Variants in ZFAND6 observed in about 807,000 individuals in gnomAD.
ZFAND6 encodes the protein zinc finger AN1-type containing 6.
Under a neutral mutation model 24.5 loss-of-function variants are expected in ZFAND6, and 12 were observed. The observed-to-expected ratio is 0.49, with a 90% CI of 0.31 to 0.79. The LOEUF (loss-of-function observed/expected upper bound fraction) is 0.79, where lower values mean the gene tolerates loss of function less well. Ranked by LOEUF, ZFAND6 falls within the 30% of genes least tolerant of loss-of-function variation. ZFAND6 has a pLI of 0.04. For synonymous variants in ZFAND6, 92 were observed against 81.5 expected (o/e 1.13, Z -0.69); for missense variants, 207 against 245.9 (o/e 0.84, Z 1.06).
rs182637428 is a variant in ZFAND6, at chr15:80,127,620, G to T, written c.365-3560G>T. On this transcript the variant is annotated intron_variant, in intron 5 of 6. Transcript: ENST00000261749. ...AAAAAAAAAAAAAAAAAAAAACCAT[G>T]CTCAACTTCATTAGATATGAGGGAA... 5.1e-4 allele frequency among the ~76,000 whole-genome samples: 74 copies of T among 144,028 alleles called. No individual in the cohort carries two copies. The East Asian group carries it at 0.01, about 20-fold the overall frequency. 94.5% of individuals were successfully genotyped at this position (144,028 alleles called of 152,430 possible). A position where few individuals can be genotyped will look rare whatever the true frequency, so the allele number is the denominator to read the frequency against.
At position 80,094,764 on chromosome 15, in the gene ZFAND6, T is replaced by C. The variant is rs144710579; in HGVS notation, c.-180-3652T>C. Among the ~76,000 whole-genome samples the C allele has an allele frequency of 2.8e-3, 422 of 152,240 alleles. 1 individual carries two copies. Among genetic ancestry groups the C allele is most frequent in the Non-Finnish European group, 4.4e-3 (296 of 67,996 alleles). Reference sequence around the variant, plus strand: ...TAATACACAGTCCACATTCACATTTTACTAGTTTTCCCATTAATGTTTTTT... The same window carrying C: ...TAATACACAGTCCACATTCACATTTCACTAGTTTTCCCATTAATGTTTTTT... On this transcript the variant is annotated intron_variant, in intron 1 of 6. Coordinates refer to ENST00000261749, the MANE Select transcript of ZFAND6 (RefSeq NM_019006.4).
intron 1 of ZFAND6, among the ~76,000 whole-genome samples, chr15:80,089,096 C>T (rs1372134850): frequency 6.6e-6 from 1 of 151,876 alleles, no homozygotes; most frequent in Non-Finnish European, 1.5e-5. Flanking sequence ...CAGCTGTTAT[C>T]TTCCCACATC....
intron 6 of ZFAND6, 42 bp downstream of exon 6, chr15:80,131,335 TATA>T (rs2040593242): frequency 6.5e-7 from 1 of 1,538,804 alleles, no homozygotes; most frequent in African/African-American, 1.4e-5. Flanking sequence ...AATGATGTTT[TATA>T]ATAATGCATA....
At chr15:80,105,570 G>A (rs75567117) in intron 2 of ZFAND6, among the ~76,000 whole-genome samples, 1,998 of 152,174 alleles carry the variant, frequency 0.013, 35 homozygotes, top group African/African-American at 0.046. Context: ...CACAATCACC[G>A]TCCCAGTTGA....
At chr15:80,106,099 A>T (rs1567079026) in intron 2 of ZFAND6, among the ~76,000 whole-genome samples, 1 of 152,226 alleles carries the variant, frequency 6.6e-6, no homozygotes, top group African/African-American at 2.4e-5. Flanking sequence ...ACAGTGTTTA[A>T]TAGCTAGCGG....
chr15:80,085,731 G>A (rs561799365), intron 1 of ZFAND6, among the ~76,000 whole-genome samples: 4 of 151,952 alleles, frequency 2.6e-5, no homozygotes, highest in African/African-American at 7.2e-5. Flanking sequence ...TAAAATTCCT[G>A]GTGTGTTTTG....
chr15:80,095,999 A>G (rs2038700722), intron 1 of ZFAND6, among the ~76,000 whole-genome samples: 1 of 152,236 alleles, frequency 6.6e-6, no homozygotes, highest in Non-Finnish European at 1.5e-5. Flanking sequence ...TATCAGTACA[A>G]TGGATCACTG....
In ZFAND6 at chr15:80,098,623, T is replaced by G. The variant is rs1015617541; in HGVS notation, c.-18+45T>G. ...TGTAACCCTATGTAATTGGGCATAG[T>G]AACTTAATTTTTTTTTTAATTTAAA... On this transcript the variant is annotated intron_variant, in intron 2 of 6. Transcript: ENST00000261749. The G allele has an allele frequency of 3.3e-5, 5 of 152,284 alleles. 1 individual carries two copies. Among genetic ancestry groups the G allele is most frequent in the African/African-American group, 1.2e-4 (5 of 41,568 alleles). 9.4% of individuals were successfully genotyped at this position (152,284 alleles called of 1,614,324 possible).
chr15:80,080,359 C>G (rs558064537), intron 1 of ZFAND6, among the ~76,000 whole-genome samples: 1 of 152,238 alleles, frequency 6.6e-6, no homozygotes, highest in Non-Finnish European at 1.5e-5. Context: ...CAGTAGTTGC[C>G]CCTTATTCAT....
chr15:80,063,207 A>G (rs1187865564), intron 1 of ZFAND6, among the ~76,000 whole-genome samples: 1 of 152,198 alleles, frequency 6.6e-6, no homozygotes, highest in African/African-American at 2.4e-5. Flanking sequence ...ATTTTCTGGT[A>G]GCCACATTAT....
chr15:80,107,950 C>T, intron 2 of ZFAND6, among the ~76,000 whole-genome samples: 1 of 152,136 alleles, frequency 6.6e-6, no homozygotes, highest in Non-Finnish European at 1.5e-5. Context: ...TTGGGAACTA[C>T]TGATTTAGAG....
chr15:80,079,965 C>T (rs1023666090), intron 1 of ZFAND6, among the ~76,000 whole-genome samples: 2 of 151,610 alleles, frequency 1.3e-5, no homozygotes, highest in Non-Finnish European at 2.9e-5. Flanking sequence ...CTTTGAGAAA[C>T]AGAATACACA....
At chr15:80,120,812 C>G (rs2040113441) in intron 3 of ZFAND6, 1 of 160,994 alleles carries the variant, frequency 6.2e-6, no homozygotes, top group Non-Finnish European at 1.3e-5. Flanking sequence ...AACCTTTGTT[C>G]TTTTATCTGG....
chr15:80,112,770 T>G (rs1052375846), intron 2 of ZFAND6: 12 of 455,972 alleles, frequency 2.6e-5, no homozygotes, highest in Non-Finnish European at 4.9e-5. Context: ...ATTACCCATG[T>G]GATAGTTGGA....
chr15:80,096,690 T>C (rs1218330052), intron 1 of ZFAND6, among the ~76,000 whole-genome samples: 1 of 152,258 alleles, frequency 6.6e-6, no homozygotes, highest in Non-Finnish European at 1.5e-5. Flanking sequence ...ACAGTACATT[T>C]ACTATGTTCA....
intron 2 of ZFAND6, among the ~76,000 whole-genome samples, chr15:80,102,528 T>C (rs182633046): frequency 6.6e-6 from 1 of 152,344 alleles, no homozygotes. Context: ...TTATATGTGA[T>C]ATGGAGATGA....
chr15:80,132,588 C>G (rs944495755), intron 6 of ZFAND6, among the ~76,000 whole-genome samples: 3 of 152,142 alleles, frequency 2.0e-5, no homozygotes, highest in African/African-American at 7.2e-5. Flanking sequence ...ACTTAAAATG[C>G]CACACATTTT....
At chr15:80,090,194 A>G (rs746846690) in intron 1 of ZFAND6, among the ~76,000 whole-genome samples, 2 of 152,188 alleles carry the variant, frequency 1.3e-5, no homozygotes, top group Non-Finnish European at 2.9e-5. Flanking sequence ...TTGAAGCCAG[A>G]TGTACATTTT....
At chr15:80,062,164 C>G (rs183331551) in intron 1 of ZFAND6, among the ~76,000 whole-genome samples, 20 of 152,160 alleles carry the variant, frequency 1.3e-4, no homozygotes, top group Non-Finnish European at 2.1e-4. Flanking sequence ...TAGCAAATTA[C>G]TTAAAAATTT....
Sources: allele counts gnomAD v4.1 joint callset (sites outside exome capture counted in the v4.1 genomes callset), GRCh38; gene constraint gnomAD v4.1.1; transcripts MANE v1.5; gene names NCBI Gene and HGNC (gene_info 2026-07-23, HGNC 2026-07-21).